Variants in SERPINC1 observed in about 807,000 individuals in gnomAD.
SERPINC1 encodes serpin family C member 1.
In SERPINC1, 12 loss-of-function variants were observed where a neutral mutation model predicts 43.4. The ratio of observed to expected loss-of-function variants is 0.28; its 90% confidence interval spans 0.18 to 0.45. The LOEUF (loss-of-function observed/expected upper bound fraction) is 0.45. SERPINC1 is among the 20% of genes least tolerant of loss of function. The probability of loss-of-function intolerance (pLI) is 1.00; values close to 1 mark genes in which losing one functional copy is unlikely to be tolerated. For missense variants in SERPINC1, 423 were observed against 578.8 expected (o/e 0.73, Z 2.76); for synonymous variants, 210 against 218.9 (o/e 0.96, Z 0.36).
chr1:173,912,261 G>A (rs551279365), intron 2 of SERPINC1, among the ~76,000 whole-genome samples: 4 of 152,242 alleles, frequency 2.6e-5, no homozygotes, highest in South Asian at 2.1e-4. Flanking sequence ...GTCTCTAAAC[G>A]CCTCTAGATC....
chr1:173,914,961 C>A, intron 1 of SERPINC1, 42 bp from the exon 2 acceptor site: 1 of 1,597,194 alleles, frequency 6.3e-7, no homozygotes, highest in African/African-American at 1.3e-5. Context: ...GGCTGCAACC[C>A]CTAGCCCCAC....
chr1:173,909,722 T>C lies in SERPINC1; in HGVS notation c.983A>G (p.Glu328Gly), dbSNP rs979120581. ...PKPEKSLAKV[E>G]KELTPEVLQE... Reference sequence around the variant, plus strand: ...CAGCACCTCTGGGGTGAGTTCCTTCTCTACCTTGGCCAGGCTCTTCTCAGG... The same window carrying C: ...CAGCACCTCTGGGGTGAGTTCCTTCCCTACCTTGGCCAGGCTCTTCTCAGG... Residue 328 changes from glutamate (E) to glycine (G), a missense_variant, in exon 5 of 7, where the codon GAG (glutamate) becomes GGG (glycine). Glu to Gly is a moderately conservative substitution (Grantham distance 98). Transcript: ENST00000367698. 2 of 1,614,056 alleles carry C rather than the reference T, an allele frequency of 1.2e-6. No homozygotes were observed. Among genetic ancestry groups the C allele is most frequent in the Middle Eastern group, 1.6e-4 (1 of 6,084 alleles).
intron 6 of SERPINC1, among the ~76,000 whole-genome samples, chr1:173,907,101 G>A (rs535328410): frequency 1.1e-4 from 17 of 150,104 alleles, no homozygotes; most frequent in Admixed American, 8.6e-4. Flanking sequence ...GGCAACGAGC[G>A]AACGAAGCTC....
Position 173,909,958 on chromosome 1 carries a change from A to AAAG in SERPINC1, c.763-19_763-17dup. The AAAG allele has an allele frequency of 6.2e-7, 1 of 1,613,718 alleles. No individual in the cohort carries two copies. The highest frequency in any genetic ancestry group is 8.5e-7 in the Non-Finnish European group (1 of 1,179,736). ...TCCACAGGCCCTGGAAGAGAATCACAAAGTAAGAACACAAACATTCATAGG... is the reference window on the plus strand; with the variant it reads ...TCCACAGGCCCTGGAAGAGAATCACAAAGAAGTAAGAACACAAACATTCATAGG... On this transcript the variant is annotated splice_polypyrimidine_tract_variant and intron_variant, in intron 4 of 6. Coordinates refer to ENST00000367698, the MANE Select transcript of SERPINC1 (RefSeq NM_000488.4).
At position 173,911,829 on chromosome 1, in the gene SERPINC1, A is replaced by G. The variant is rs183416252; in HGVS notation, c.594T>C (p.Tyr198=). The G allele has an allele frequency of 2.6e-5, 42 of 1,614,212 alleles. No individual in the cohort carries two copies. The highest frequency in any genetic ancestry group is 3.5e-5 in the Non-Finnish European group (41 of 1,180,024). ...AGTCCAGGGGCTGGAGCTTGGCTCC[A>G]TATACCAACTCACTGATGTCCTGGT... The part of the protein sequence containing the change: ...ETYQDISELV[Y]GAKLQPLDFK... Residue 198 remains tyrosine, a synonymous_variant, in exon 3 of 7, where the codon TAT becomes TAC. Transcript: ENST00000367698.
rs578203617 is a variant in SERPINC1 at position 173,914,548 on chromosome 1, C to T, written c.408+5G>A. 6 of 1,613,844 alleles carry T rather than the reference C, an allele frequency of 3.7e-6. No individual in the cohort carries two copies. The highest frequency in any genetic ancestry group is 1.3e-5 in the African/African-American group (1 of 75,036). ...GGTGGCTGGGCAGAAGACCTTTGGT[C>T]GTACCTCCATCAGTTGCTGGAGGGT... On this transcript the variant is annotated splice_donor_5th_base_variant and intron_variant, in intron 2 of 6. Transcript: ENST00000367698.
intron 5 of SERPINC1, 71 bp from the exon 6 acceptor site, chr1:173,907,585 G>C: frequency 9.2e-7 from 1 of 1,086,316 alleles, no homozygotes; most frequent in Non-Finnish European, 1.4e-6. Context: ...TGGGAATTCA[G>C]TTTGGATTAA....
rs59197371 is a variant in SERPINC1 at position 173,914,077 on chromosome 1, C to CAA, written c.408+474_408+475dup. ...TGGGCAATAGAGCGAGATTCCATCTCAAAAAAAAAAAAATACTATCCTAGA... is the reference window on the plus strand; with the variant it reads ...TGGGCAATAGAGCGAGATTCCATCTCAAAAAAAAAAAAAAATACTATCCTAGA... On this transcript the variant is annotated intron_variant, in intron 2 of 6. Coordinates refer to ENST00000367698, the MANE Select transcript of SERPINC1 (RefSeq NM_000488.4). Among the ~76,000 whole-genome samples the CAA allele has an allele frequency of 7.6e-3, 1,047 of 138,456 alleles. 12 individuals are homozygous for CAA. Among genetic ancestry groups the CAA allele is most frequent in the African/African-American group, 0.022 (858 of 38,804 alleles). 90.8% of individuals were successfully genotyped at this position (138,456 alleles called of 152,430 possible). A position where few individuals can be genotyped will look rare whatever the true frequency, so the allele number is the denominator to read the frequency against.
At chr1:173,907,558 T>C in intron 5 of SERPINC1, 44 bp from the exon 6 acceptor site, 1 of 1,471,184 alleles carries the variant, frequency 6.8e-7, no homozygotes, top group Non-Finnish European at 9.5e-7. Flanking sequence ...GGGAGAAAGT[T>C]GGCTTCAACC....
intron 3 of SERPINC1, among the ~76,000 whole-genome samples, chr1:173,911,529 C>G (rs919337696): frequency 6.6e-6 from 1 of 152,082 alleles, no homozygotes; most frequent in African/African-American, 2.4e-5. Flanking sequence ...CTTCAAAACA[C>G]CCTTTGGTAT....
chr1:173,910,023 T>C, intron 4 of SERPINC1, 81 bp from the exon 5 acceptor site: 1 of 1,349,548 alleles, frequency 7.4e-7, no homozygotes, highest in South Asian at 1.2e-5. Context: ...TATTATAGTG[T>C]TACATTAATA....
At chr1:173,908,136 T>C (rs1657607972) in intron 5 of SERPINC1, among the ~76,000 whole-genome samples, 1 of 151,898 alleles carries the variant, frequency 6.6e-6, no homozygotes, top group Admixed American at 6.6e-5. Context: ...AAAAACTCAC[T>C]CCATCCAGAA....
chr1:173,911,352 G>A (rs902140201), intron 3 of SERPINC1, among the ~76,000 whole-genome samples: 7 of 152,308 alleles, frequency 4.6e-5, no homozygotes, highest in African/African-American at 7.2e-5. Context: ...GAGGAATGCC[G>A]ATTGAATAAA....
intron 2 of SERPINC1, among the ~76,000 whole-genome samples, chr1:173,913,556 C>T (rs1427653480): frequency 1.3e-5 from 2 of 152,142 alleles, no homozygotes; most frequent in African/African-American, 4.8e-5. Context: ...AGGCCGATCC[C>T]TTGAAGTCAA....
At position 173,910,716 on chromosome 1, in the gene SERPINC1, G is replaced by A. The variant is rs753408230; in HGVS notation, c.762+38C>T. On this transcript the variant is annotated intron_variant, in intron 4 of 6. Coordinates refer to ENST00000367698, the MANE Select transcript of SERPINC1 (RefSeq NM_000488.4). ...AAAGGGGGTAAGCTGAAGAGCAAGAGGAAGTCCCTGGGGTCTCTCCAGGGC... is the reference window on the plus strand; with the variant it reads ...AAAGGGGGTAAGCTGAAGAGCAAGAAGAAGTCCCTGGGGTCTCTCCAGGGC... 3.1e-6 allele frequency: 5 copies of A among 1,609,374 alleles called. No homozygotes were observed. In the South Asian group the frequency reaches 5.5e-5, roughly 18 times the overall value.
chr1:173,903,933 T>C lies in SERPINC1; in HGVS notation c.1351A>G (p.Thr451Ala). The C allele has an allele frequency of 1.9e-6, 3 of 1,614,210 alleles. No individual in the cohort carries two copies. Among genetic ancestry groups the C allele is most frequent in the Non-Finnish European group, 2.5e-6 (3 of 1,179,998 alleles). ...LVFIREVPLNTIIFMGRVANP... is the reference protein window; with the variant it reads ...LVFIREVPLNAIIFMGRVANP... The stretch of plus-strand genomic sequence containing the variant: ...GCTACTCTGCCCATGAAGATAATAG[T>C]GTTCAGAGGAACTTCTCTTATAAAA... Residue 451 changes from threonine to alanine, a missense_variant, in exon 7 of 7, where the codon ACT (threonine) becomes GCT (alanine). Thr to Ala is a moderately conservative substitution (Grantham distance 58). Transcript: ENST00000367698.
intron 6 of SERPINC1, among the ~76,000 whole-genome samples, chr1:173,905,131 G>A (rs1216412357): frequency 6.6e-6 from 1 of 152,144 alleles, no homozygotes; most frequent in African/African-American, 2.4e-5. Context: ...CTTACCAGAG[G>A]ATATTCAATG....
intron 2 of SERPINC1, among the ~76,000 whole-genome samples, chr1:173,912,711 G>C (rs1169065086): frequency 1.3e-5 from 2 of 152,108 alleles, no homozygotes; most frequent in African/African-American, 2.4e-5. Context: ...TTATGCTTTT[G>C]ATCAAAAGCT....
rs770098298 is a variant in SERPINC1, at chr1:173,917,285, G to A, written c.-26C>T. Reference sequence around the variant, plus strand: ...GGCCGCTAATCTTCCACAGGGCTGGGCAAGTGGAGATAGTGTGATCTGAGG... The same window carrying A: ...GGCCGCTAATCTTCCACAGGGCTGGACAAGTGGAGATAGTGTGATCTGAGG... On this transcript the variant is annotated 5_prime_UTR_variant, in exon 1 of 7. Coordinates refer to ENST00000367698, the MANE Select transcript of SERPINC1 (RefSeq NM_000488.4). 2.5e-6 allele frequency: 4 copies of A among 1,610,834 alleles called. No homozygotes were observed. Among genetic ancestry groups the A allele is most frequent in the East Asian group, 2.2e-5 (1 of 44,866 alleles).
Sources: allele counts gnomAD v4.1 joint callset (sites outside exome capture counted in the v4.1 genomes callset), GRCh38; gene constraint gnomAD v4.1.1; transcripts MANE v1.5; gene names NCBI Gene and HGNC (gene_info 2026-07-23, HGNC 2026-07-21).